Variants in MICAL3 observed in about 807,000 individuals in gnomAD.
The protein encoded by MICAL3 is [F-actin]-monooxygenase MICAL3.
In MICAL3, 62 loss-of-function variants were observed where a neutral mutation model predicts 207.4. The ratio of observed to expected loss-of-function variants is 0.30; its 90% confidence interval spans 0.24 to 0.37. The LOEUF (loss-of-function observed/expected upper bound fraction) is 0.37. Ranked by LOEUF, MICAL3 falls within the 10% of genes least tolerant of loss-of-function variation. MICAL3 has a pLI of 1.00. For synonymous variants in MICAL3, 1,077 were observed against 1,069.3 expected, an observed-to-expected ratio of 1.01 and a Z score of -0.14; for missense variants, 2,368 against 2,635.6, an observed-to-expected ratio of 0.90 and a Z score of 2.22.
chr22:17,949,944 T>C (rs577949906), intron 1 of MICAL3, among the ~76,000 whole-genome samples: 2 of 152,344 alleles, frequency 1.3e-5, no homozygotes, highest in South Asian at 2.1e-4. Context: ...GCCAAGCCCA[T>C]GCTGCTGACC....
chr22:17,918,821 A>G (rs1353586850), intron 1 of MICAL3, among the ~76,000 whole-genome samples: 2 of 152,148 alleles, frequency 1.3e-5, no homozygotes, highest in Admixed American at 6.5e-5. Context: ...CGTTCACTCA[A>G]AAGATACTAG....
intron 22 of MICAL3, among the ~76,000 whole-genome samples, chr22:17,824,447 G>C (rs1229020546): frequency 1.3e-5 from 2 of 152,242 alleles, no homozygotes; most frequent in East Asian, 1.9e-4. Context: ...CAGGCACTTA[G>C]AAGATGCTGG....
chr22:17,886,512 T>A (rs1403149135), intron 15 of MICAL3, among the ~76,000 whole-genome samples: 2 of 151,386 alleles, frequency 1.3e-5, no homozygotes, highest in African/African-American at 2.4e-5. Context: ...ACTAAAAAAT[T>A]AGAACAATTT....
At chr22:17,842,685 A>G (rs529950964) in intron 19 of MICAL3, among the ~76,000 whole-genome samples, 5 of 152,366 alleles carry the variant, frequency 3.3e-5, no homozygotes, top group Admixed American at 1.3e-4. Context: ...ATGCACAGGC[A>G]CACTTCCCCA....
At chr22:17,892,161 A>T (rs2075450) in intron 11 of MICAL3, among the ~76,000 whole-genome samples, 31,400 of 152,172 alleles carry the variant, frequency 0.21, 3,304 homozygotes, top group East Asian at 0.27. Context: ...GAAGCCCTGC[A>T]GGGCTCCGCT....
rs920925745 is a variant in MICAL3, at chr22:17,841,842, G to A, written c.2781C>T (p.Ala927=). The A allele has an allele frequency of 4.5e-6, 7 of 1,553,644 alleles. No homozygotes were observed. The highest frequency in any genetic ancestry group is 6.1e-6 in the Non-Finnish European group (7 of 1,152,454). ...HNLSSVLDTG[A]EEDVASSSSE... ...CTGACCTGCTGGCGACGTCCTCCTC[G>A]GCGCCCGTGTCCAGCACGCTGCTCA... The change falls in exon 20 of 32, where the codon GCC becomes GCT. Residue 927 remains alanine, a synonymous_variant. Coordinates refer to ENST00000441493, the MANE Select transcript of MICAL3 (RefSeq NM_015241.3). The surrounding 1 kb of genome is among the most constrained non-coding windows in gnomAD (Gnocchi z 4.2).
At position 17,859,092 on chromosome 22, in the gene MICAL3, A is replaced by G. The variant is rs1382649975; in HGVS notation, c.2605+5807T>C. Among the ~76,000 whole-genome samples, 13 of 152,196 alleles carry G rather than the reference A, an allele frequency of 8.5e-5. No individual in the cohort carries two copies. The South Asian group carries it at 1.2e-3, about 15-fold the overall frequency. ...AGGGGAGGAAGGACATGAGCAGGCC[A>G]GGAGACACCGCCCAGACTCTCAGAA... On this transcript the variant is annotated intron_variant, in intron 19 of 31. Coordinates refer to ENST00000441493, the MANE Select transcript of MICAL3 (RefSeq NM_015241.3).
At chr22:17,821,163 G>A (rs1921604236) in intron 25 of MICAL3, among the ~76,000 whole-genome samples, 1 of 152,002 alleles carries the variant, frequency 6.6e-6, no homozygotes, top group Non-Finnish European at 1.5e-5. Flanking sequence ...ATCAGAGTGG[G>A]GCAGAGGTAG....
chr22:17,964,161 G>A (rs990348582), intron 1 of MICAL3, among the ~76,000 whole-genome samples: 4 of 152,096 alleles, frequency 2.6e-5, no homozygotes, highest in Non-Finnish European at 5.9e-5. Flanking sequence ...CTGGAATTCC[G>A]TGTTCTAACA....
At chr22:17,914,613 C>A (rs751024958) in intron 1 of MICAL3, among the ~76,000 whole-genome samples, 28 of 152,142 alleles carry the variant, frequency 1.8e-4, no homozygotes, top group Non-Finnish European at 3.4e-4. Flanking sequence ...AGCTGCCCAG[C>A]TAGCAATGGA....
rs1396382292 is a variant in MICAL3, at chr22:17,818,685, C to T, written c.3976G>A (p.Glu1326Lys). The T allele has an allele frequency of 1.9e-6, 3 of 1,613,716 alleles. No homozygotes were observed. Among genetic ancestry groups the T allele is most frequent in the African/African-American group, 2.7e-5 (2 of 74,944 alleles). The change falls in exon 26 of 32, where the codon GAG becomes AAG. Residue 1326 changes from glutamate to lysine, a missense_variant. Glu to Lys is a moderately conservative substitution (Grantham distance 56). Coordinates refer to ENST00000441493, the MANE Select transcript of MICAL3 (RefSeq NM_015241.3). ...ATCTCCGCACTCTTCATCCAGAACT[C>T]CTCCACCAGGTCGCTCCGTCTGAGG... ...EALRRSDLVEEFWMKSAEIRR... is the reference protein window; with the variant it reads ...EALRRSDLVEKFWMKSAEIRR...
intron 16 of MICAL3, among the ~76,000 whole-genome samples, chr22:17,878,512 G>C (rs979588587): frequency 6.6e-6 from 1 of 152,194 alleles, no homozygotes; most frequent in Non-Finnish European, 1.5e-5. Flanking sequence ...GCTCCTATCG[G>C]GTCCGAGGGG....
intron 19 of MICAL3, chr22:17,862,719 A>G (rs1197193037): frequency 1.7e-5 from 17 of 985,358 alleles, no homozygotes; most frequent in Non-Finnish European, 2.0e-5. Context: ...TTTTCTACCA[A>G]GGCTAGCAGC....
intron 1 of MICAL3, among the ~76,000 whole-genome samples, chr22:17,989,330 C>T (rs1271590178): frequency 2.0e-5 from 3 of 152,192 alleles, no homozygotes; most frequent in African/African-American, 7.2e-5. Context: ...TGCTCTGCTC[C>T]CACAGCTCCC....
intron 29 of MICAL3, among the ~76,000 whole-genome samples, chr22:17,799,783 C>T (rs538822900): frequency 6.6e-6 from 1 of 152,278 alleles, no homozygotes; most frequent in Non-Finnish European, 1.5e-5. Flanking sequence ...CTAGCATACA[C>T]ATAGTGGGGC....
intron 19 of MICAL3, among the ~76,000 whole-genome samples, chr22:17,859,194 G>A (rs569159636): frequency 6.6e-6 from 1 of 152,282 alleles, no homozygotes; most frequent in Non-Finnish European, 1.5e-5. Context: ...TCCCTAACCT[G>A]GACTGTGGTT....
chr22:17,802,021 C>T (rs541362076), intron 29 of MICAL3, among the ~76,000 whole-genome samples: 4 of 151,862 alleles, frequency 2.6e-5, no homozygotes, highest in African/African-American at 7.2e-5. Flanking sequence ...TAAAGAAACG[C>T]GTTCTGACGG....
Position 17,891,475 on chromosome 22 carries a change from CACA to C in MICAL3, c.1694+7_1694+9del, listed in dbSNP as rs770746757. On this transcript the variant is annotated splice_region_variant and intron_variant, in intron 12 of 31. Transcript: ENST00000441493. The stretch of plus-strand genomic sequence containing the variant: ...AGTATAAAAAAACACAAAGTTTGAT[CACA>C]ACTTACATCAGGTCAGGGCGGTATC... 73 of 1,613,180 alleles carry C rather than the reference CACA, an allele frequency of 4.5e-5. No homozygotes were observed. Among genetic ancestry groups the C allele is most frequent in the Non-Finnish European group, 3.1e-5 (37 of 1,179,376 alleles).
intron 1 of MICAL3, among the ~76,000 whole-genome samples, chr22:18,022,617 C>G (rs1242241843): frequency 2.0e-5 from 3 of 152,104 alleles, no homozygotes; most frequent in African/African-American, 7.2e-5. Flanking sequence ...TTAGTAGAGA[C>G]TGAGTTTCAC....
Sources: allele counts gnomAD v4.1 joint callset (sites outside exome capture counted in the v4.1 genomes callset), GRCh38; gene constraint gnomAD v4.1.1; non-coding constraint Gnocchi (gnomAD v3.1); transcripts MANE v1.5; gene names NCBI Gene and HGNC (gene_info 2026-07-23, HGNC 2026-07-21).